Variants in CACNA2D3 observed in about 807,000 individuals in gnomAD.
The protein encoded by CACNA2D3 is voltage-dependent calcium channel subunit alpha-2/delta-3.
Under a neutral mutation model 160.6 loss-of-function variants are expected in CACNA2D3, and 60 were observed. That is an observed-to-expected ratio of 0.37 (90% confidence interval 0.30 to 0.46). The LOEUF is 0.46. Ranked by LOEUF, CACNA2D3 falls within the 20% of genes least tolerant of loss-of-function variation. The probability of loss-of-function intolerance (pLI) is 1.00; values close to 1 mark genes in which losing one functional copy is unlikely to be tolerated. For missense variants in CACNA2D3, 1,205 were observed against 1,365.0 expected (o/e 0.88, Z 1.85); for synonymous variants, 558 against 492.9 (o/e 1.13, Z -1.75).
chr3:54,488,194 T>C (rs1372862079), intron 4 of CACNA2D3, among the ~76,000 whole-genome samples: 1 of 152,114 alleles, frequency 6.6e-6, no homozygotes, highest in East Asian at 1.9e-4. Context: ...TGACCTTGGG[T>C]TATTCCATAC....
chr3:54,774,749 C>T (rs1353383875), intron 13 of CACNA2D3, among the ~76,000 whole-genome samples: 1 of 149,826 alleles, frequency 6.7e-6, no homozygotes, highest in Non-Finnish European at 1.5e-5. Context: ...ATTCTCCTGC[C>T]TTAGCCTCCT....
intron 4 of CACNA2D3, among the ~76,000 whole-genome samples, chr3:54,443,276 A>ATTT (rs1700171512): frequency 2.0e-5 from 3 of 151,094 alleles, no homozygotes; most frequent in Admixed American, 6.6e-5. Context: ...CCATACAGCC[A>ATTT]GCCATTTGCC....
At chr3:54,506,254 C>T (rs577752835) in intron 5 of CACNA2D3, among the ~76,000 whole-genome samples, 7 of 152,136 alleles carry the variant, frequency 4.6e-5, no homozygotes, top group South Asian at 2.1e-4. Flanking sequence ...TTATTGATGA[C>T]GTACTCAAAA....
At chr3:54,271,238 TTTTC>T (rs1469306383) in intron 2 of CACNA2D3, among the ~76,000 whole-genome samples, 1 of 152,138 alleles carries the variant, frequency 6.6e-6, no homozygotes, top group Admixed American at 6.5e-5. Flanking sequence ...TTTTCTTTTC[TTTTC>T]TTTATTATTT....
At chr3:54,788,316 T>G (rs1702680059) in intron 13 of CACNA2D3, among the ~76,000 whole-genome samples, 1 of 152,182 alleles carries the variant, frequency 6.6e-6, no homozygotes, top group African/African-American at 2.4e-5. Context: ...TTTTCTTAAC[T>G]GGTTTTGTCT....
intron 11 of CACNA2D3, among the ~76,000 whole-genome samples, chr3:54,751,168 T>C (rs567086289): frequency 1.2e-4 from 18 of 152,082 alleles, no homozygotes; most frequent in Non-Finnish European, 2.6e-4. Context: ...AATGTGACTC[T>C]GATGGGAATG....
At chr3:54,137,817 G>A (rs935822680) in intron 2 of CACNA2D3, among the ~76,000 whole-genome samples, 5 of 150,478 alleles carry the variant, frequency 3.3e-5, no homozygotes, top group Admixed American at 2.0e-4. Flanking sequence ...ATTTTAGAAG[G>A]CTGACTCTGA....
At chr3:54,462,545 C>G (rs1438966219) in intron 4 of CACNA2D3, among the ~76,000 whole-genome samples, 1 of 152,056 alleles carries the variant, frequency 6.6e-6, no homozygotes, top group African/African-American at 2.4e-5. Context: ...TTCTTTGTCT[C>G]TTTTGATCTT....
intron 13 of CACNA2D3, among the ~76,000 whole-genome samples, chr3:54,766,496 A>T (rs891775280): frequency 5.5e-4 from 84 of 152,330 alleles, no homozygotes; most frequent in African/African-American, 1.8e-3. Context: ...GGGAAAAGGG[A>T]CACTCTTATT....
At chr3:54,639,252 C>A (rs1453470729) in intron 10 of CACNA2D3, 1 of 151,894 alleles carries the variant, frequency 6.6e-6, no homozygotes, top group Non-Finnish European at 1.5e-5. Context: ...GGACTTGCCG[C>A]TAAGGGTGAA....
intron 13 of CACNA2D3, among the ~76,000 whole-genome samples, chr3:54,802,617 C>T (rs956471547): frequency 1.3e-5 from 2 of 152,094 alleles, no homozygotes; most frequent in African/African-American, 2.4e-5. Flanking sequence ...AATAGTAGTC[C>T]TCTGGGGGCA....
intron 4 of CACNA2D3, among the ~76,000 whole-genome samples, chr3:54,415,350 C>G (rs997291850): frequency 1.3e-5 from 2 of 152,016 alleles, no homozygotes; most frequent in Admixed American, 6.6e-5. Flanking sequence ...GTGGCAATCC[C>G]GAAAGTAGAC....
rs116739126 is a variant in CACNA2D3 at position 54,455,348 on chromosome 3, C to G, written c.382-48144C>G. 5.6e-3 allele frequency among the ~76,000 whole-genome samples: 858 copies of G among 152,176 alleles called. 9 individuals carry two copies. Among genetic ancestry groups the G allele is most frequent in the African/African-American group, 0.019 (807 of 41,534 alleles). ...TTTCCTGTTGATTAGCGATGTTGAGCATTTTTTAACATATTTGGACATTTG... is the reference window on the plus strand; with the variant it reads ...TTTCCTGTTGATTAGCGATGTTGAGGATTTTTTAACATATTTGGACATTTG... On this transcript the variant is annotated intron_variant, in intron 4 of 37. Transcript: ENST00000474759.
intron 11 of CACNA2D3, among the ~76,000 whole-genome samples, chr3:54,744,488 A>T (rs758226419): frequency 6.6e-6 from 1 of 152,188 alleles, no homozygotes; most frequent in Non-Finnish European, 1.5e-5. Flanking sequence ...GTTTATAGCC[A>T]CTGCCAAGTT....
intron 3 of CACNA2D3, among the ~76,000 whole-genome samples, chr3:54,379,057 T>A (rs1412026394): frequency 6.6e-6 from 1 of 152,216 alleles, no homozygotes; most frequent in Non-Finnish European, 1.5e-5. Context: ...AAGGCCAGTG[T>A]AGCCTTATAC....
chr3:54,767,051 A>G (rs1237834776), intron 13 of CACNA2D3, among the ~76,000 whole-genome samples: 2 of 151,612 alleles, frequency 1.3e-5, no homozygotes, highest in African/African-American at 4.8e-5. Flanking sequence ...CACCTCCCAC[A>G]TCTTATTAGG....
At chr3:54,487,297 G>A (rs1451989254) in intron 4 of CACNA2D3, among the ~76,000 whole-genome samples, 1 of 152,206 alleles carries the variant, frequency 6.6e-6, no homozygotes, top group African/African-American at 2.4e-5. Context: ...GAGCCCAGGA[G>A]GTTGAGGCTG....
chr3:54,215,995 G>T (rs1181459185), intron 2 of CACNA2D3, among the ~76,000 whole-genome samples: 2 of 151,936 alleles, frequency 1.3e-5, no homozygotes, highest in African/African-American at 4.8e-5. Context: ...TTCTTAGTTG[G>T]TTAAATAAAA....
At chr3:54,691,081 T>C (rs1354191395) in intron 11 of CACNA2D3, among the ~76,000 whole-genome samples, 1 of 152,172 alleles carries the variant, frequency 6.6e-6, no homozygotes, top group East Asian at 1.9e-4. Flanking sequence ...AGATGTTAGC[T>C]GTCTACTCTA....
Sources: gnomAD v4.1 joint callset for allele counts (sites outside exome capture counted in the v4.1 genomes callset) on GRCh38, gnomAD v4.1.1 for gene constraint, MANE v1.5 for transcripts, NCBI Gene and HGNC (gene_info 2026-07-23, HGNC 2026-07-21) for gene names.